Variants in SRGAP1 observed in about 807,000 individuals in gnomAD.
SRGAP1 encodes SLIT-ROBO Rho GTPase activating protein 1.
In SRGAP1, 43 loss-of-function variants were observed where a neutral mutation model predicts 121.9. The ratio of observed to expected loss-of-function variants is 0.35; its 90% CI spans 0.28 to 0.46. SRGAP1 has a LOEUF of 0.46. Among genes scored for constraint, SRGAP1 ranks in the 20% least tolerant of loss-of-function variants. The pLI is 1.00. For synonymous variants in SRGAP1, 447 were observed against 485.4 expected, an observed-to-expected ratio of 0.92 and a Z score of 1.04; for missense variants, 1,102 against 1,350.9, an observed-to-expected ratio of 0.82 and a Z score of 2.89.
intron 3 of SRGAP1, among the ~76,000 whole-genome samples, chr12:64,012,534 A>G (rs984204145): frequency 7.0e-6 from 1 of 142,166 alleles, no homozygotes; most frequent in African/African-American, 2.7e-5. Flanking sequence ...CTGCTTTCAA[A>G]TATTTTAAGT....
intron 21 of SRGAP1, among the ~76,000 whole-genome samples, chr12:64,134,288 G>T (rs534592224): frequency 7.9e-5 from 12 of 152,026 alleles, no homozygotes; most frequent in African/African-American, 2.9e-4. Context: ...GGGAGTGGTG[G>T]TGGGTGCCTG....
In SRGAP1 at chr12:64,111,934, A is replaced by G. The variant is rs1411982584; in HGVS notation, c.2092A>G (p.Lys698Glu). 15 of 1,613,982 alleles carry G rather than the reference A, an allele frequency of 9.3e-6. No individual in the cohort carries two copies. Among genetic ancestry groups the G allele is most frequent in the East Asian group, 4.5e-5 (2 of 44,872 alleles). The stretch of plus-strand genomic sequence containing the variant: ...CCATGAGACTATTTTCCCAGATGCT[A>G]AAGAGCTGGATGGCCCTGTTTATGA... ...IHHETIFPDA[K>E]ELDGPVYEKC... is the part of the protein sequence containing the mutation. The change falls in exon 17 of 22, where the codon AAA becomes GAA. Residue 698 changes from lysine (K) to glutamate (E), a missense_variant. Lys to Glu is a moderately conservative substitution (Grantham distance 56, BLOSUM62 1). This residue lies in a region of SRGAP1 where 747 missense variants were observed against 929.4 expected (regional missense o/e 0.80). Transcript: ENST00000355086.
intron 4 of SRGAP1, among the ~76,000 whole-genome samples, chr12:64,019,987 A>G (rs2136470344): frequency 6.6e-6 from 1 of 152,324 alleles, no homozygotes; most frequent in African/African-American, 2.4e-5. Context: ...GGGAGTTGAA[A>G]GTGAGCAGTT....
chr12:63,920,109 A>G lies in SRGAP1; in HGVS notation c.68-63838A>G, dbSNP rs188093183. Among the ~76,000 whole-genome samples, 173 of 152,370 alleles carry G rather than the reference A, an allele frequency of 1.1e-3. 2 individuals are homozygous for G. Among genetic ancestry groups the G allele is most frequent in the Non-Finnish European group, 4.1e-4 (28 of 68,038 alleles). On this transcript the variant is annotated intron_variant, in intron 1 of 21. Transcript: ENST00000355086. Reference sequence around the variant, plus strand: ...TTCCGAAGGAGCATCACCAGTTTACATTCCCACTCATAAGTGATTAAGAGC... The same window carrying G: ...TTCCGAAGGAGCATCACCAGTTTACGTTCCCACTCATAAGTGATTAAGAGC...
intron 2 of SRGAP1, among the ~76,000 whole-genome samples, chr12:63,987,203 T>A (rs904734196): frequency 5.3e-5 from 8 of 152,342 alleles, no homozygotes; most frequent in African/African-American, 1.7e-4. Flanking sequence ...GTCTTTAGCA[T>A]GATATCATTA....
chr12:63,893,260 A>T (rs947348241), intron 1 of SRGAP1, among the ~76,000 whole-genome samples: 3 of 152,194 alleles, frequency 2.0e-5, no homozygotes, highest in African/African-American at 7.2e-5. Context: ...AGCTATAGTA[A>T]ATGAATAAAG....
chr12:63,981,192 C>T (rs576246182), intron 1 of SRGAP1, among the ~76,000 whole-genome samples: 2 of 152,126 alleles, frequency 1.3e-5, no homozygotes, highest in Non-Finnish European at 2.9e-5. Context: ...ATCCATCATT[C>T]TCATGATTCC....
chr12:64,089,846 A>AGGCCGGGCGCGG (rs1194908015), intron 11 of SRGAP1, among the ~76,000 whole-genome samples: 1 of 152,206 alleles, frequency 6.6e-6, no homozygotes, highest in African/African-American at 2.4e-5. Flanking sequence ...TTAGCTGTGG[A>AGGCCGGGCGCGG]AGGCTGTACC....
At chr12:64,089,060 G>C (rs775799470) in intron 11 of SRGAP1, among the ~76,000 whole-genome samples, 1 of 152,122 alleles carries the variant, frequency 6.6e-6, no homozygotes, top group Non-Finnish European at 1.5e-5. Flanking sequence ...TGCCCCTCCC[G>C]GGATTAGCCA....
At chr12:64,015,607 A>G (rs1241578193) in intron 3 of SRGAP1, among the ~76,000 whole-genome samples, 1 of 152,136 alleles carries the variant, frequency 6.6e-6, no homozygotes. Flanking sequence ...TCAGTCTATC[A>G]TATTTGTTTG....
chr12:64,017,294 G>A (rs1458055202), intron 4 of SRGAP1, among the ~76,000 whole-genome samples: 1 of 152,166 alleles, frequency 6.6e-6, no homozygotes, highest in Non-Finnish European at 1.5e-5. Flanking sequence ...AAGTATAGAT[G>A]TCTCCATAAG....
At chr12:63,934,879 A>T (rs1369483616) in intron 1 of SRGAP1, among the ~76,000 whole-genome samples, 16 of 152,224 alleles carry the variant, frequency 1.1e-4, no homozygotes, top group South Asian at 6.2e-4. Flanking sequence ...TTTCCCAGTA[A>T]CTATTTTAAT....
intron 1 of SRGAP1, among the ~76,000 whole-genome samples, chr12:63,962,069 C>T (rs1010159779): frequency 1.3e-5 from 2 of 152,206 alleles, no homozygotes; most frequent in African/African-American, 4.8e-5. Flanking sequence ...TCTCCCACTG[C>T]TTCCCTCTGT....
intron 1 of SRGAP1, among the ~76,000 whole-genome samples, chr12:63,933,226 G>A (rs1341251387): frequency 1.3e-5 from 2 of 151,936 alleles, no homozygotes; most frequent in African/African-American, 4.8e-5. Flanking sequence ...AAAACTTTAA[G>A]TATAATAATA....
At chr12:64,138,421 C>G (rs1423429156) in intron 21 of SRGAP1, among the ~76,000 whole-genome samples, 9 of 150,398 alleles carry the variant, frequency 6.0e-5, no homozygotes, top group Admixed American at 6.0e-4. Context: ...TAACTTCCCC[C>G]CTTTTACTAT....
chr12:63,937,289 A>G (rs1179932262), intron 1 of SRGAP1, among the ~76,000 whole-genome samples: 1 of 152,214 alleles, frequency 6.6e-6, no homozygotes, highest in African/African-American at 2.4e-5. Flanking sequence ...AATGGCCCAT[A>G]ATCATACAGC....
chr12:64,055,210 C>G (rs1252308647), intron 6 of SRGAP1, among the ~76,000 whole-genome samples: 1 of 147,090 alleles, frequency 6.8e-6, no homozygotes, highest in Admixed American at 6.8e-5. Context: ...ACACCAGCAA[C>G]AGACAAACAG....
intron 21 of SRGAP1, among the ~76,000 whole-genome samples, chr12:64,134,275 G>T (rs1009339909): frequency 1.3e-5 from 2 of 152,030 alleles, no homozygotes; most frequent in African/African-American, 4.8e-5. Flanking sequence ...TAAAAAATTA[G>T]CTGGGAGTGG....
intron 4 of SRGAP1, among the ~76,000 whole-genome samples, chr12:64,023,584 T>C (rs1374514223): frequency 6.6e-6 from 1 of 152,224 alleles, no homozygotes; most frequent in Non-Finnish European, 1.5e-5. Context: ...TAATCAAGAT[T>C]AACACAGATG....
Sources: allele counts gnomAD v4.1 joint callset (sites outside exome capture counted in the v4.1 genomes callset), GRCh38; gene constraint gnomAD v4.1.1; regional missense constraint gnomAD v4.1.1; transcripts MANE v1.5; gene names NCBI Gene and HGNC (gene_info 2026-07-23, HGNC 2026-07-21).